The following SEL1L2 variants were observed in gnomAD, a reference collection of about 807,000 sequenced individuals.
The protein encoded by SEL1L2 is SEL1L2 adaptor subunit of SYVN1 ubiquitin ligase.
A neutral mutation model predicts 98.8 loss-of-function variants in SEL1L2; 89 were observed. The observed-to-expected ratio is 0.90, with a 90% CI of 0.76 to 1.07. SEL1L2 has a LOEUF of 1.07. Among genes scored for constraint, SEL1L2 ranks in the 50% least tolerant of loss-of-function variants. SEL1L2 has a pLI of 0.00. For missense variants in SEL1L2, 788 were observed against 812.0 expected (o/e 0.97, Z 0.36); for synonymous variants, 262 against 278.5 (o/e 0.94, Z 0.59).
intron 5 of SEL1L2, among the ~76,000 whole-genome samples, chr20:13,909,755 C>T (rs1338761004): frequency 6.6e-6 from 1 of 152,088 alleles, no homozygotes; most frequent in African/African-American, 2.4e-5. Context: ...CACCTGAGGT[C>T]AGGAGCTTGA....
intron 12 of SEL1L2, among the ~76,000 whole-genome samples, chr20:13,874,261 T>C (rs2046334796): frequency 6.6e-6 from 1 of 152,152 alleles, no homozygotes; most frequent in African/African-American, 2.4e-5. Context: ...TGTCATGGTA[T>C]TGATATCATT....
rs1475727436 is a variant in SEL1L2 at position 13,869,606 on chromosome 20, A to C, written c.1168-16T>G. 2.5e-6 allele frequency: 4 copies of C among 1,599,490 alleles called. No individual in the cohort carries two copies. Among genetic ancestry groups the C allele is most frequent in the Non-Finnish European group, 3.4e-6 (4 of 1,166,914 alleles). On this transcript the variant is annotated splice_polypyrimidine_tract_variant and intron_variant, in intron 13 of 19. Coordinates refer to ENST00000284951, the MANE Select transcript of SEL1L2 (RefSeq NM_025229.2). ...CGGCATAATTCTGCAAGATAATTAC[A>C]CTCTATTACTCAAAGGCACAAGTAA... is the stretch of plus-strand genomic sequence containing the variant.
intron 5 of SEL1L2, among the ~76,000 whole-genome samples, chr20:13,911,513 G>A (rs1157650604): frequency 6.6e-6 from 1 of 152,054 alleles, no homozygotes; most frequent in Admixed American, 6.5e-5. Context: ...AAGCAAATAC[G>A]GGGAATGAAG....
intron 5 of SEL1L2, among the ~76,000 whole-genome samples, chr20:13,897,988 C>T (rs573689866): frequency 2.8e-4 from 43 of 152,086 alleles, no homozygotes; most frequent in African/African-American, 9.4e-4. Flanking sequence ...AAATAAAAAC[C>T]GCTGGTGAGA....
intron 2 of SEL1L2, among the ~76,000 whole-genome samples, chr20:13,950,543 A>T (rs1195409954): frequency 6.6e-6 from 1 of 152,188 alleles, no homozygotes; most frequent in Non-Finnish European, 1.5e-5. Context: ...CAACCTGGAA[A>T]GATATCAGTG....
intron 4 of SEL1L2, chr20:13,915,017 C>A: frequency 1.0e-6 from 1 of 969,020 alleles, no homozygotes; most frequent in Non-Finnish European, 1.3e-6. Context: ...AGGTAAAGAC[C>A]AGAAAGCGTT....
intron 13 of SEL1L2, 103 bp downstream of exon 13, chr20:13,870,038 C>T: frequency 1.2e-6 from 1 of 813,838 alleles, no homozygotes; most frequent in Non-Finnish European, 2.0e-6. Flanking sequence ...CACAGTTTGG[C>T]AAACCAGATA....
At chr20:13,926,318 C>CAA (rs11483500) in intron 3 of SEL1L2, among the ~76,000 whole-genome samples, 34 of 150,652 alleles carry the variant, frequency 2.3e-4, no homozygotes, top group East Asian at 3.9e-4. Context: ...CCGTTTCAAA[C>CAA]AAAAAAAAAT....
intron 4 of SEL1L2, chr20:13,915,206 C>T: frequency 1.6e-6 from 2 of 1,289,500 alleles, no homozygotes; most frequent in Non-Finnish European, 2.0e-6. Context: ...CAAGAAGGAC[C>T]TCAGACAGAG....
intron 5 of SEL1L2, among the ~76,000 whole-genome samples, chr20:13,904,836 T>C (rs1029541717): frequency 4.6e-5 from 7 of 152,210 alleles, no homozygotes; most frequent in African/African-American, 1.7e-4. Context: ...TAAACAAATA[T>C]ACTGACCTTT....
chr20:13,988,121 C>T (rs2052332702), intron 1 of SEL1L2, among the ~76,000 whole-genome samples: 1 of 151,124 alleles, frequency 6.6e-6, no homozygotes, highest in African/African-American at 2.4e-5. Flanking sequence ...GTGTAGGTCT[C>T]TGATCCATTT....
chr20:13,867,421 G>A (rs2045978349), intron 14 of SEL1L2, among the ~76,000 whole-genome samples: 1 of 152,218 alleles, frequency 6.6e-6, no homozygotes, highest in Non-Finnish European at 1.5e-5. Flanking sequence ...TGTGACTTGG[G>A]CCATTTAGGC....
intron 1 of SEL1L2, among the ~76,000 whole-genome samples, chr20:13,986,283 G>A (rs1222925569): frequency 5.3e-5 from 8 of 149,996 alleles, no homozygotes; most frequent in Admixed American, 5.3e-4. Flanking sequence ...CCGTTTTAAA[G>A]TGTGCAATTA....
chr20:13,898,490 C>A (rs1303674621), intron 5 of SEL1L2, among the ~76,000 whole-genome samples: 1 of 152,152 alleles, frequency 6.6e-6, no homozygotes, highest in Admixed American at 6.5e-5. Flanking sequence ...ATCTGAGATA[C>A]CTTCTACTCT....
intron 1 of SEL1L2, among the ~76,000 whole-genome samples, chr20:13,958,376 T>C (rs1276092687): frequency 1.3e-5 from 2 of 152,218 alleles, no homozygotes; most frequent in Non-Finnish European, 1.5e-5. Flanking sequence ...CCGTTTGATA[T>C]TGGAATACGC....
intron 18 of SEL1L2, among the ~76,000 whole-genome samples, chr20:13,858,218 T>C (rs1190029632): frequency 6.6e-6 from 1 of 152,158 alleles, no homozygotes; most frequent in Non-Finnish European, 1.5e-5. Flanking sequence ...GGAAATTCCC[T>C]ACCAATAATT....
intron 1 of SEL1L2, among the ~76,000 whole-genome samples, chr20:13,988,969 C>T (rs925706559): frequency 1.3e-5 from 2 of 152,068 alleles, no homozygotes; most frequent in South Asian, 4.1e-4. Context: ...GCCGAGATCA[C>T]GTCATTGCAC....
intron 2 of SEL1L2, among the ~76,000 whole-genome samples, chr20:13,935,607 G>A (rs2049410700): frequency 6.6e-6 from 1 of 152,174 alleles, no homozygotes. Context: ...AGGAAGACAG[G>A]GTAACTGGAG....
At chr20:13,883,534 G>C (rs1177838757) in intron 10 of SEL1L2, among the ~76,000 whole-genome samples, 1 of 152,198 alleles carries the variant, frequency 6.6e-6, no homozygotes, top group Non-Finnish European at 1.5e-5. Context: ...TCCAGCCTCT[G>C]CTTCTCATTT....
Sources: gnomAD v4.1 joint callset for allele counts (sites outside exome capture counted in the v4.1 genomes callset) on GRCh38, gnomAD v4.1.1 for gene constraint, MANE v1.5 for transcripts, NCBI Gene and HGNC (gene_info 2026-07-23, HGNC 2026-07-21) for gene names.